Variants in USP6NL observed in about 807,000 individuals in gnomAD.
USP6NL encodes the protein USP6 N-terminal-like protein.
A neutral mutation model predicts 61.9 loss-of-function variants in USP6NL; 26 were observed. The ratio of observed to expected loss-of-function variants is 0.42; its 90% CI spans 0.31 to 0.58. The LOEUF (loss-of-function observed/expected upper bound fraction) is 0.58, where lower values mean the gene tolerates loss of function less well. Among genes scored for constraint, USP6NL ranks in the 20% least tolerant of loss-of-function variants. USP6NL has a pLI of 0.16. For missense variants in USP6NL, 1,114 were observed against 1,034.3 expected (o/e 1.08, Z -1.06); for synonymous variants, 432 against 390.1 (o/e 1.11, Z -1.27).
At chr10:11,560,714 T>TTATATA (rs56221814) in intron 2 of USP6NL, among the ~76,000 whole-genome samples, 5,469 of 141,164 alleles carry the variant, frequency 0.039, 108 homozygotes, top group African/African-American at 0.057. Flanking sequence ...TATATATATA[T>TTATATA]TATATATATA....
chr10:11,501,094 T>A lies in USP6NL; in HGVS notation c.384+7A>T, dbSNP rs1834168723. The A allele has an allele frequency of 1.3e-6, 2 of 1,570,612 alleles. No homozygotes were observed. The highest frequency in any genetic ancestry group is 2.2e-5 in the East Asian group (1 of 44,662). ...TTCAAAATAACAAGTTAGCTTTAGCTACTCACACTATACAGGTCCCTTGTT... is the reference window on the plus strand; with the variant it reads ...TTCAAAATAACAAGTTAGCTTTAGCAACTCACACTATACAGGTCCCTTGTT... On this transcript the variant is annotated splice_region_variant and intron_variant, in intron 7 of 14. Coordinates refer to ENST00000609104, the MANE Select transcript of USP6NL (RefSeq NM_014688.5).
chr10:11,555,473 G>A (rs1220682249), intron 2 of USP6NL, among the ~76,000 whole-genome samples: 75 of 117,234 alleles, frequency 6.4e-4, no homozygotes, highest in Non-Finnish European at 1.0e-3. Flanking sequence ...GAGAGAGAAA[G>A]AGAGAGAGAG....
intron 8 of USP6NL, among the ~76,000 whole-genome samples, chr10:11,492,280 T>C (rs1295949280): frequency 1.3e-5 from 2 of 152,208 alleles, no homozygotes; most frequent in Admixed American, 1.3e-4. Flanking sequence ...GTGGTTGGCT[T>C]TGGGTGTCAA....
rs779887697 is a variant in USP6NL, at chr10:11,600,247, G to T, written c.-83-2530C>A. On this transcript the variant is annotated intron_variant, in intron 1 of 14. Coordinates refer to ENST00000609104, the MANE Select transcript of USP6NL (RefSeq NM_014688.5). The surrounding 1 kb of genome is among the most constrained non-coding windows in gnomAD (Gnocchi z 4.1). The stretch of plus-strand genomic sequence containing the variant: ...TTCCAGGTACTCTAAGTCTAAGGGC[G>T]TGGCCATATGACTTGCTGGAATGGT... Among the ~76,000 whole-genome samples, 5 of 152,158 alleles carry T rather than the reference G, an allele frequency of 3.3e-5. No individual in the cohort carries two copies. Among genetic ancestry groups the T allele is most frequent in the Non-Finnish European group, 7.3e-5 (5 of 68,030 alleles).
rs1054650342 is a variant in USP6NL, at chr10:11,487,228, A to G, written c.665-1317T>C. Among the ~76,000 whole-genome samples the G allele has an allele frequency of 1.3e-5, 2 of 152,192 alleles. No homozygotes were observed. The highest frequency in any genetic ancestry group is 2.9e-5 in the Non-Finnish European group (2 of 68,028). On this transcript the variant is annotated intron_variant, in intron 10 of 14. Transcript: ENST00000609104. The surrounding 1 kb of genome is among the most constrained non-coding windows in gnomAD (Gnocchi z 4.2). ...ATTTTCCACTGATGTTCCAGATCTC[A>G]TATTTTATATTTTCATCCTTAGCTT...
rs2096217702 is a variant in USP6NL at position 11,462,340 on chromosome 10, A to T, written c.*101T>A. The T allele has an allele frequency of 1.5e-6, 2 of 1,310,096 alleles. No individual in the cohort carries two copies. The highest frequency in any genetic ancestry group is 2.1e-6 in the Non-Finnish European group (2 of 971,774). 81.2% of individuals were successfully genotyped at this position (1,310,096 alleles called of 1,614,324 possible). A position where few individuals can be genotyped will look rare whatever the true frequency, so the allele number is the denominator to read the frequency against. On this transcript the variant is annotated 3_prime_UTR_variant, in exon 15 of 15. Transcript: ENST00000609104. ...TACTAACAGACAGGAGAGATGTGCG[A>T]GTTGTTTACAATAGTATAAATACTG...
chr10:11,524,624 T>TA (rs1289560065), intron 4 of USP6NL, among the ~76,000 whole-genome samples: 1 of 152,200 alleles, frequency 6.6e-6, no homozygotes, highest in Non-Finnish European at 1.5e-5. Context: ...AAACGAATGT[T>TA]TTTCCTTCAA....
chr10:11,532,840 G>A lies in USP6NL; in HGVS notation c.5-5273C>T, dbSNP rs1835711552. Reference sequence around the variant, plus strand: ...AAATACATGCTAAAGTAGTGGTTTTGGACGTTTTTAACAAACCACACACAC... The same window carrying A: ...AAATACATGCTAAAGTAGTGGTTTTAGACGTTTTTAACAAACCACACACAC... On this transcript the variant is annotated intron_variant, in intron 2 of 14. Transcript: ENST00000609104. The surrounding 1 kb of genome is among the most constrained non-coding windows in gnomAD (Gnocchi z 4.1). Among the ~76,000 whole-genome samples, 1 of 152,056 alleles carries A rather than the reference G, an allele frequency of 6.6e-6. No homozygotes were observed. Among genetic ancestry groups the A allele is most frequent in the Non-Finnish European group, 1.5e-5 (1 of 68,016 alleles).
At chr10:11,544,435 T>C (rs548707989) in intron 2 of USP6NL, among the ~76,000 whole-genome samples, 1 of 152,300 alleles carries the variant, frequency 6.6e-6, no homozygotes, top group East Asian at 1.9e-4. Context: ...AGTCATTCAG[T>C]AAACTACCTG....
chr10:11,473,244 TACAGCC>T (rs939397461), intron 14 of USP6NL, among the ~76,000 whole-genome samples: 3 of 151,760 alleles, frequency 2.0e-5, no homozygotes, highest in Admixed American at 6.5e-5. Context: ...AAGTAACAAA[TACAGCC>T]ACAGCCACAG....
chr10:11,508,632 GTGTTAACT>G (rs1475400485), intron 6 of USP6NL, among the ~76,000 whole-genome samples: 1 of 152,172 alleles, frequency 6.6e-6, no homozygotes, highest in Admixed American at 6.5e-5. Flanking sequence ...GCAGTAAAAA[GTGTTAACT>G]TGATTAAATA....
chr10:11,518,384 A>G lies in USP6NL; in HGVS notation c.195+151T>C. ...TAATATTATTTCACCATTAACTATT[A>G]TCTTACAGTGGCATAATGAGGTCCA... On this transcript the variant is annotated intron_variant, in intron 5 of 14. Coordinates refer to ENST00000609104, the MANE Select transcript of USP6NL (RefSeq NM_014688.5). This position sits in a 1 kb window ranked among gnomAD's most constrained non-coding sequence, Gnocchi z 5.3. The G allele has an allele frequency of 1.4e-6, 1 of 714,582 alleles. No individual in the cohort carries two copies. The highest frequency in any genetic ancestry group is 2.5e-6 in the Non-Finnish European group (1 of 404,852). 44.3% of individuals were successfully genotyped at this position (714,582 alleles called of 1,614,324 possible).
In USP6NL at chr10:11,610,828, G is replaced by C. The variant is rs559070585; in HGVS notation, c.-84+615C>G. On this transcript the variant is annotated intron_variant, in intron 1 of 14. Transcript: ENST00000609104. ...CAAATTACAGAAACGTGCACCCATG[G>C]ATTCCTACGCGTCCCGCATTTTCTA... Among the ~76,000 whole-genome samples the C allele has an allele frequency of 8.5e-5, 13 of 152,132 alleles. No homozygotes were observed. In the East Asian group the frequency reaches 1.9e-3, roughly 23 times the overall value.
At chr10:11,546,134 AAC>A (rs1446740983) in intron 2 of USP6NL, among the ~76,000 whole-genome samples, 8 of 152,232 alleles carry the variant, frequency 5.3e-5, no homozygotes, top group Non-Finnish European at 1.0e-4. Context: ...AGTACTGAGA[AAC>A]AGTTTATCAA....
At chr10:11,582,332 C>T (rs998897643) in intron 2 of USP6NL, among the ~76,000 whole-genome samples, 2 of 152,138 alleles carry the variant, frequency 1.3e-5, no homozygotes, top group African/African-American at 4.8e-5. Flanking sequence ...AACTCTGGAC[C>T]TCAGGTGATC....
chr10:11,572,912 A>C (rs1332400362), intron 2 of USP6NL, among the ~76,000 whole-genome samples: 1 of 152,170 alleles, frequency 6.6e-6, no homozygotes, highest in African/African-American at 2.4e-5. Flanking sequence ...AAAGTAAAAT[A>C]TATAAGTATA....
chr10:11,559,792 C>T (rs925103712), intron 2 of USP6NL, among the ~76,000 whole-genome samples: 1 of 152,094 alleles, frequency 6.6e-6, no homozygotes, highest in Non-Finnish European at 1.5e-5. Context: ...CAATAGTGCA[C>T]CAGTCCTGAT....
Position 11,470,787 on chromosome 10 carries a change from C to T in USP6NL, c.1079-6938G>A, listed in dbSNP as rs1241139796. Among the ~76,000 whole-genome samples, 4 of 152,220 alleles carry T rather than the reference C, an allele frequency of 2.6e-5. No homozygotes were observed. Among genetic ancestry groups the T allele is most frequent in the Non-Finnish European group, 5.9e-5 (4 of 68,046 alleles). On this transcript the variant is annotated intron_variant, in intron 14 of 14. Transcript: ENST00000609104. This position sits in a 1 kb window ranked among gnomAD's most constrained non-coding sequence, Gnocchi z 5.4. ...AATAAGCATTCCTATTTATTATCCACGCTTGCATTCTGGGCTTCTTTTCAA... is the reference window on the plus strand; with the variant it reads ...AATAAGCATTCCTATTTATTATCCATGCTTGCATTCTGGGCTTCTTTTCAA...
chr10:11,570,716 G>A lies in USP6NL; in HGVS notation c.4+26915C>T, dbSNP rs138545137. ...ACACAGCTCTTATGATTACATTTACGCCTTACACACATCTGAAGAGATGGT... is the reference window on the plus strand; with the variant it reads ...ACACAGCTCTTATGATTACATTTACACCTTACACACATCTGAAGAGATGGT... On this transcript the variant is annotated intron_variant, in intron 2 of 14. Transcript: ENST00000609104. Among the ~76,000 whole-genome samples, 218 of 152,226 alleles carry A rather than the reference G, an allele frequency of 1.4e-3. 1 individual carries two copies. The highest frequency in any genetic ancestry group is 4.7e-3 in the African/African-American group (194 of 41,540).
Sources: allele counts gnomAD v4.1 joint callset (sites outside exome capture counted in the v4.1 genomes callset), GRCh38; gene constraint gnomAD v4.1.1; non-coding constraint Gnocchi (gnomAD v3.1); transcripts MANE v1.5; gene names NCBI Gene and HGNC (gene_info 2026-07-23, HGNC 2026-07-21).